PLXNA2: variants seen among roughly 807,000 people sequenced by gnomAD.
PLXNA2 encodes the protein plexin A2.
Under a neutral mutation model 193.5 loss-of-function variants are expected in PLXNA2, and 91 were observed. That is an observed-to-expected ratio of 0.47 (90% CI 0.40 to 0.56). The LOEUF is 0.56. Among genes scored for constraint, PLXNA2 ranks in the 20% least tolerant of loss-of-function variants. PLXNA2 has a pLI of 0.00. For synonymous variants in PLXNA2, 997 were observed against 1,027.3 expected (o/e 0.97, Z 0.56); for missense variants, 1,995 against 2,503.2 (o/e 0.80, Z 4.33).
chr1:208,031,268 G>C (rs1664493573), intron 29 of PLXNA2: 2 of 1,173,644 alleles, frequency 1.7e-6, no homozygotes, highest in South Asian at 4.5e-5. Flanking sequence ...GGTTCCCCCA[G>C]CTCCCTTCTC....
chr1:208,042,410 A>T (rs1216261923), intron 21 of PLXNA2, 44 bp from the exon 22 acceptor site: 5 of 1,590,298 alleles, frequency 3.1e-6, no homozygotes, highest in Non-Finnish European at 4.3e-6. Flanking sequence ...GAGGACAGGC[A>T]TCGGGCCTCC....
chr1:208,165,646 C>T (rs1474714148), intron 3 of PLXNA2, among the ~76,000 whole-genome samples: 1 of 152,164 alleles, frequency 6.6e-6, no homozygotes, highest in Non-Finnish European at 1.5e-5. Flanking sequence ...GCCCAGCTAC[C>T]CCTATGTGGT....
chr1:208,240,713 T>C (rs1672020575), intron 1 of PLXNA2, among the ~76,000 whole-genome samples: 1 of 139,528 alleles, frequency 7.2e-6, no homozygotes, highest in African/African-American at 2.7e-5. Context: ...GAATTATTTC[T>C]AGTTAACAGA....
chr1:208,098,186 C>A lies in PLXNA2; in HGVS notation c.1731+660G>T, dbSNP rs890922255. ...AACTCCCCTGTTTGTTTCCTCAGCT[C>A]CCTTGGAGCCAAAAGCTCCTGGTGG... On this transcript the variant is annotated intron_variant, in intron 6 of 31. Transcript: ENST00000367033. Among the ~76,000 whole-genome samples, 10 of 152,110 alleles carry A rather than the reference C, an allele frequency of 6.6e-5. No individual in the cohort carries two copies. The South Asian group carries it at 8.3e-4, about 13-fold the overall frequency.
intron 13 of PLXNA2, among the ~76,000 whole-genome samples, chr1:208,057,258 T>C (rs920119466): frequency 1.3e-5 from 2 of 152,214 alleles, no homozygotes; most frequent in Non-Finnish European, 2.9e-5. Flanking sequence ...GGCTCAGGGA[T>C]GCTAAGTGAC....
At chr1:208,152,269 AAC>A (rs915904382) in intron 3 of PLXNA2, among the ~76,000 whole-genome samples, 1 of 152,210 alleles carries the variant, frequency 6.6e-6, no homozygotes, top group South Asian at 2.1e-4. Flanking sequence ...AGTCATTAAA[AAC>A]ACACACACAC....
chr1:208,095,739 C>T (rs563561575), intron 8 of PLXNA2, among the ~76,000 whole-genome samples: 4 of 152,128 alleles, frequency 2.6e-5, no homozygotes, highest in African/African-American at 4.8e-5. Context: ...ACTTTTTTTA[C>T]GGTTCCTGTT....
chr1:208,078,990 G>T (rs1356026997), intron 12 of PLXNA2, among the ~76,000 whole-genome samples: 3 of 152,170 alleles, frequency 2.0e-5, no homozygotes, highest in African/African-American at 7.2e-5. Context: ...AGGGAGACTG[G>T]GTTGGCTCTG....
chr1:208,189,589 C>T (rs138929460), intron 3 of PLXNA2, among the ~76,000 whole-genome samples: 333 of 152,098 alleles, frequency 2.2e-3, no homozygotes, highest in African/African-American at 7.7e-3. Flanking sequence ...TCCCTCTTTG[C>T]CAAGTACTGC....
In PLXNA2 at chr1:208,160,243, T is replaced by C. The variant is rs564068495; in HGVS notation, c.1372-17780A>G. On this transcript the variant is annotated intron_variant, in intron 3 of 31. Coordinates refer to ENST00000367033, the MANE Select transcript of PLXNA2 (RefSeq NM_025179.4). Reference sequence around the variant, plus strand: ...CCCCGCCCAGAAGTAGAAAGGGTTATTGCGGGGAATTTAGTTGACAGCTGG... The same window carrying C: ...CCCCGCCCAGAAGTAGAAAGGGTTACTGCGGGGAATTTAGTTGACAGCTGG... Among the ~76,000 whole-genome samples the C allele has an allele frequency of 7.9e-5, 12 of 152,336 alleles. No individual in the cohort carries two copies. The East Asian group carries it at 1.5e-3, about 20-fold the overall frequency.
Position 208,142,446 on chromosome 1 carries a change from G to A in PLXNA2, c.1389C>T (p.Pro463=), listed in dbSNP as rs1440383021. Residue 463 remains proline, a synonymous_variant, in exon 4 of 32, where the codon CCC becomes CCT. Transcript: ENST00000367033. ...GKLKKIRADG[P]PHGGVQYEMV... ...TCTCGTACTGGACCCCACCATGGGG[G>A]GGACCGTCGGCCCGAATCTGTATGA... The A allele has an allele frequency of 1.2e-6, 2 of 1,610,114 alleles. No individual in the cohort carries two copies. Among genetic ancestry groups the A allele is most frequent in the Non-Finnish European group, 1.7e-6 (2 of 1,178,636 alleles).
chr1:208,157,622 G>A (rs1424856011), intron 3 of PLXNA2, among the ~76,000 whole-genome samples: 2 of 152,176 alleles, frequency 1.3e-5, no homozygotes, highest in Admixed American at 6.5e-5. Context: ...AAAATGGAAA[G>A]CCAGTGGTTG....
chr1:208,234,025 G>A (rs1671774837), intron 1 of PLXNA2, among the ~76,000 whole-genome samples: 2 of 152,202 alleles, frequency 1.3e-5, no homozygotes, highest in African/African-American at 2.4e-5. Context: ...TGAGATGCCT[G>A]TCTGCTCTAA....
chr1:208,232,316 A>C (rs1671716719), intron 1 of PLXNA2, among the ~76,000 whole-genome samples: 1 of 152,208 alleles, frequency 6.6e-6, no homozygotes. Context: ...GCACCTCTGC[A>C]GTCCCTGCAG....
rs542994120 is a variant in PLXNA2 at position 208,069,952 on chromosome 1, T to A, written c.2587-9115A>T. ...CTCAAAACAAGCTGTGAGGTGTTAT[T>A]ATCATTCCCATTTTTCGGATGAGAA... is the stretch of plus-strand genomic sequence containing the variant. On this transcript the variant is annotated intron_variant, in intron 12 of 31. Transcript: ENST00000367033. Among the ~76,000 whole-genome samples the A allele has an allele frequency of 2.0e-5, 3 of 152,362 alleles. No individual in the cohort carries two copies. The South Asian group carries it at 6.2e-4, about 32-fold the overall frequency.
intron 3 of PLXNA2, among the ~76,000 whole-genome samples, chr1:208,194,192 C>A (rs1288636598): frequency 6.6e-6 from 1 of 151,842 alleles, no homozygotes; most frequent in Non-Finnish European, 1.5e-5. Flanking sequence ...GAGCCCCTGT[C>A]TGCTACTAGA....
intron 13 of PLXNA2, among the ~76,000 whole-genome samples, chr1:208,059,223 A>C (rs1045092436): frequency 1.3e-5 from 2 of 152,230 alleles, no homozygotes; most frequent in South Asian, 4.1e-4. Context: ...GGCTCCTGCC[A>C]CAACAGCTTT....
chr1:208,101,930 C>T (rs965672077), intron 5 of PLXNA2, among the ~76,000 whole-genome samples: 3 of 152,144 alleles, frequency 2.0e-5, no homozygotes, highest in African/African-American at 7.2e-5. Context: ...GAGGAAAGAC[C>T]CTGCCTGCTG....
At chr1:208,175,317 G>A (rs751451857) in intron 3 of PLXNA2, among the ~76,000 whole-genome samples, 1 of 152,206 alleles carries the variant, frequency 6.6e-6, no homozygotes, top group African/African-American at 2.4e-5. Flanking sequence ...CATCCCAGCT[G>A]AGCACCAGAC....
Sources: allele counts gnomAD v4.1 joint callset (sites outside exome capture counted in the v4.1 genomes callset), GRCh38; gene constraint gnomAD v4.1.1; transcripts MANE v1.5; gene names NCBI Gene and HGNC (gene_info 2026-07-23, HGNC 2026-07-21).